DFFB: variants seen among roughly 807,000 people sequenced by gnomAD.
DFFB encodes the protein DNA fragmentation factor subunit beta, also known as DNA fragmentation factor 40 kDa subunit.
A neutral mutation model predicts 32.7 loss-of-function variants in DFFB; 29 were observed. The observed-to-expected ratio is 0.89, with a 90% confidence interval of 0.66 to 1.21. DFFB has a LOEUF of 1.21. Among genes scored for constraint, DFFB ranks in the 50% most tolerant of loss-of-function variants. DFFB has a pLI of 0.00. For missense variants in DFFB, 398 were observed against 440.6 expected (o/e 0.90, Z 0.87); for synonymous variants, 170 against 177.1 (o/e 0.96, Z 0.32).
At chr1:3,882,243 T>TC (rs1269409715) in intron 6 of DFFB, among the ~76,000 whole-genome samples, 1 of 37,812 alleles carries the variant, frequency 2.6e-5, no homozygotes, top group Non-Finnish European at 7.4e-5. Flanking sequence ...TTTGTAGAGG[T>TC]GGGGTTTCAC....
In DFFB at chr1:3,857,580, C is replaced by T; in HGVS notation, c.-24C>T. ...CAGCAGGTGCCACCGCCTGTGGGAC[C>T]CAGAGGGCTTGAGGACATCTGCAAT... On this transcript the variant is annotated 5_prime_UTR_variant, in exon 1 of 7. Transcript: ENST00000378209. The T allele has an allele frequency of 6.6e-7, 1 of 1,517,112 alleles. No homozygotes were observed. The highest frequency in any genetic ancestry group is 8.9e-7 in the Non-Finnish European group (1 of 1,127,790). The allele number at this position is 1,517,112 out of a possible 1,614,324, so 94.0% of individuals were successfully genotyped here.
intron 2 of DFFB, among the ~76,000 whole-genome samples, chr1:3,861,043 A>G (rs1644869750): frequency 6.6e-6 from 1 of 151,396 alleles, no homozygotes; most frequent in African/African-American, 2.4e-5. Flanking sequence ...TAATCTCGCT[A>G]CTCAGGAGGC....
chr1:3,884,271 C>G lies in DFFB; in HGVS notation c.*530C>G. 1 of 167,392 alleles carries G rather than the reference C, an allele frequency of 6.0e-6. No individual in the cohort carries two copies. The highest frequency in any genetic ancestry group is 1.6e-4 in the East Asian group (1 of 6,136). 10.4% of individuals were successfully genotyped at this position (167,392 alleles called of 1,614,324 possible). On this transcript the variant is annotated 3_prime_UTR_variant, in exon 7 of 7. Coordinates refer to ENST00000378209, the MANE Select transcript of DFFB (RefSeq NM_004402.4). ...GGATGTCTGTGAGTACCTGGTCATA[C>G]GGGTCAGTAGGGATAAGAATTGTCT...
rs577096731 is a variant in DFFB, at chr1:3,862,828, A to AAAAC, written c.242-2982_242-2979dup. ...ACCAAAAACATGAGCAGCAGAAGAA[A>AAAAC]AAACAGATAAATTGGGCTTCATCAA... On this transcript the variant is annotated intron_variant, in intron 2 of 6. Transcript: ENST00000378209. Among the ~76,000 whole-genome samples, 20 of 152,340 alleles carry AAAAC rather than the reference A, an allele frequency of 1.3e-4. No individual in the cohort carries two copies. In the East Asian group the frequency reaches 3.7e-3, roughly 28 times the overall value.
chr1:3,867,360 A>G (rs916183676), intron 3 of DFFB, among the ~76,000 whole-genome samples: 2 of 152,024 alleles, frequency 1.3e-5, no homozygotes, highest in African/African-American at 4.8e-5. Flanking sequence ...CACACTGTCT[A>G]TTCACTGACA....
intron 2 of DFFB, among the ~76,000 whole-genome samples, chr1:3,859,868 C>T (rs927179280): frequency 3.9e-4 from 60 of 152,264 alleles, no homozygotes; most frequent in African/African-American, 1.4e-3. Flanking sequence ...TCTTTCTTTC[C>T]CATTTCAGGG....
intron 5 of DFFB, among the ~76,000 whole-genome samples, chr1:3,870,635 G>A (rs1318987758): frequency 3.3e-5 from 5 of 152,200 alleles, no homozygotes; most frequent in Admixed American, 2.6e-4. Context: ...CCTGCACAAT[G>A]GAAGGTGAAA....
Position 3,868,036 on chromosome 1 carries a change from CG to C in DFFB, c.495del (p.Ser166ValfsTer3). 6.2e-7 allele frequency: 1 copy of C among 1,614,068 alleles called. No homozygotes were observed. Among genetic ancestry groups the C allele is most frequent in the Non-Finnish European group, 8.5e-7 (1 of 1,179,978 alleles). On this transcript the variant is annotated frameshift_variant, in exon 4 of 7. Coordinates refer to ENST00000378209, the MANE Select transcript of DFFB (RefSeq NM_004402.4). LOFTEE classifies it high-confidence loss of function. ...YLRYSCESRIRSYLREVSSYP... is the reference protein window; with the variant it reads ...YLRYSCESRIXSYLREVSSYP... ...GAGATACAGCTGTGAGAGCCGGATC[CG>C]GAGTTACCTGAGGGAGGTGAGCCTG...
At position 3,883,754 on chromosome 1, in the gene DFFB, A is replaced by G. The variant is rs1638253386; in HGVS notation, c.*13A>G. 1 of 1,609,482 alleles carries G rather than the reference A, an allele frequency of 6.2e-7. No homozygotes were observed. The highest frequency in any genetic ancestry group is 1.7e-5 in the Admixed American group (1 of 59,948). ...GAAACGCCAGTGACACGTACACACC[A>G]CGTCCTGGTCTTTGTTTGAGGCCTG... On this transcript the variant is annotated 3_prime_UTR_variant, in exon 7 of 7. Transcript: ENST00000378209.
chr1:3,857,794 C>A, intron 1 of DFFB, 77 bp downstream of exon 1: 1 of 1,121,566 alleles, frequency 8.9e-7, no homozygotes, highest in Non-Finnish European at 1.2e-6. Flanking sequence ...TTTCCTCTTC[C>A]AAAACGGAGG....
intron 6 of DFFB, among the ~76,000 whole-genome samples, chr1:3,873,890 G>C (rs1444630466): frequency 6.6e-6 from 1 of 152,160 alleles, no homozygotes; most frequent in Non-Finnish European, 1.5e-5. Flanking sequence ...TTTCAGATGG[G>C]GACATTCAAC....
At chr1:3,882,694 A>G (rs140596329) in intron 6 of DFFB, among the ~76,000 whole-genome samples, 1 of 152,216 alleles carries the variant, frequency 6.6e-6, no homozygotes, top group African/African-American at 2.4e-5. Context: ...ATACGCATAT[A>G]TGCATATAAC....
chr1:3,877,481 C>T (rs974089012), intron 6 of DFFB, among the ~76,000 whole-genome samples: 2 of 151,944 alleles, frequency 1.3e-5, no homozygotes, highest in Non-Finnish European at 2.9e-5. Flanking sequence ...AGGTGCGTGC[C>T]ACCCCGCCTG....
At chr1:3,869,841 G>C (rs931673470) in intron 5 of DFFB, 66 bp downstream of exon 5, 2 of 1,485,640 alleles carry the variant, frequency 1.3e-6, no homozygotes, top group East Asian at 4.8e-5. Context: ...CGCCTGGGGC[G>C]AGGCGGGTGG....
At chr1:3,866,570 A>G (rs79971761) in intron 3 of DFFB, among the ~76,000 whole-genome samples, 2,982 of 152,264 alleles carry the variant, frequency 0.02, 110 homozygotes, top group African/African-American at 0.069. Flanking sequence ...GTGCTAAAGT[A>G]CATATGACAT....
intron 6 of DFFB, among the ~76,000 whole-genome samples, chr1:3,876,654 C>G (rs1035577054): frequency 1.3e-5 from 2 of 152,214 alleles, no homozygotes; most frequent in Admixed American, 6.5e-5. Context: ...CCTGGACTTA[C>G]GTAGCATCAT....
chr1:3,872,432 C>A, intron 5 of DFFB, 40 bp from the exon 6 acceptor site: 3 of 1,436,296 alleles, frequency 2.1e-6, no homozygotes, highest in Non-Finnish European at 1.9e-6. Flanking sequence ...AAAAAAGAGA[C>A]TCACTTTCTG....
chr1:3,880,656 G>A (rs1297280397), intron 6 of DFFB, among the ~76,000 whole-genome samples: 2 of 151,828 alleles, frequency 1.3e-5, no homozygotes, highest in African/African-American at 2.4e-5. Context: ...CCTCCTCTGT[G>A]CTCCAGTGTG....
intron 3 of DFFB, chr1:3,866,356 A>G (rs1644980963): frequency 3.1e-6 from 1 of 321,536 alleles, no homozygotes; most frequent in Non-Finnish European, 6.2e-6. Context: ...CCCAGGTTAA[A>G]GCGATTCTCC....
Sources: gnomAD v4.1 joint callset for allele counts (sites outside exome capture counted in the v4.1 genomes callset) on GRCh38, gnomAD v4.1.1 for gene constraint, MANE v1.5 for transcripts, NCBI Gene and HGNC (gene_info 2026-07-23, HGNC 2026-07-21) for gene names.